SLC6A20: variants seen among roughly 807,000 people sequenced by gnomAD.
SLC6A20 encodes sodium- and chloride-dependent transporter XTRP3.
SLC6A20 carries 73 observed loss-of-function variants against 64.3 expected under a neutral mutation model. The ratio of observed to expected loss-of-function variants is 1.14; its 90% confidence interval spans 0.94 to 1.38. The LOEUF (loss-of-function observed/expected upper bound fraction) is 1.38. Ranked by LOEUF, SLC6A20 falls within the 40% of genes most tolerant of loss-of-function variation. The probability of loss-of-function intolerance (pLI) is 0.00; values close to 1 mark genes in which losing one functional copy is unlikely to be tolerated. For missense variants in SLC6A20, 725 were observed against 772.8 expected (o/e 0.94, Z 0.73); for synonymous variants, 347 against 329.6 (o/e 1.05, Z -0.57).
intron 4 of SLC6A20, among the ~76,000 whole-genome samples, chr3:45,774,281 T>C (rs1699928789): frequency 6.6e-6 from 1 of 152,244 alleles, no homozygotes; most frequent in Admixed American, 6.5e-5. Flanking sequence ...CATGACATGG[T>C]CTTATGCAAC....
In SLC6A20 at chr3:45,775,820, G is replaced by T. The variant is rs1197496586; in HGVS notation, c.523C>A (p.Leu175Ile). The T allele has an allele frequency of 6.2e-7, 1 of 1,614,084 alleles. No homozygotes were observed. The highest frequency in any genetic ancestry group is 8.5e-7 in the Non-Finnish European group (1 of 1,180,010). The part of the protein sequence containing the change: ...GVQWEPALCL[L>I]LAWLVVYLCI... ...AGGTACACCACCAGCCAGGCCAGGA[G>T]GAGGCACAGCGCCGGCTCCCACTGC... is the stretch of plus-strand genomic sequence containing the variant. The change falls in exon 4 of 11, where the codon CTC (leucine) becomes ATC (isoleucine). Residue 175 changes from leucine to isoleucine, a missense_variant. Physicochemically the swap from Leu to Ile is conservative, Grantham distance 5. Coordinates refer to ENST00000358525, the MANE Select transcript of SLC6A20 (RefSeq NM_020208.4).
Position 45,771,291 on chromosome 3 carries a change from G to A in SLC6A20, c.861C>T (p.Ser287=). ...AGAAGGTGACAATGCTGGCAAATAT[G>A]GAGGTGAAGCTGTTGATGAGGGACA... is the stretch of plus-strand genomic sequence containing the variant. ...IIVSLINSFT[S]IFASIVTFSI... is the part of the protein sequence containing the mutation. The change falls in exon 6 of 11, where the codon TCC becomes TCT. Residue 287 remains serine, a synonymous_variant. Transcript: ENST00000358525. 1 of 1,614,254 alleles carries A rather than the reference G, an allele frequency of 6.2e-7. No individual in the cohort carries two copies. The highest frequency in any genetic ancestry group is 8.5e-7 in the Non-Finnish European group (1 of 1,180,048).
chr3:45,774,443 G>C (rs73830460), intron 4 of SLC6A20, among the ~76,000 whole-genome samples: 1,720 of 152,268 alleles, frequency 0.011, 33 homozygotes, highest in African/African-American at 0.037. Flanking sequence ...CAGGCTCTAC[G>C]ATGGGACTGA....
intron 3 of SLC6A20, 102 bp downstream of exon 3, chr3:45,779,907 G>T: frequency 7.9e-7 from 1 of 1,273,870 alleles, no homozygotes; most frequent in Non-Finnish European, 1.1e-6. Flanking sequence ...CCGCCCCGAG[G>T]CTGCTCACCT....
At chr3:45,760,376 G>A (rs939091756) in intron 9 of SLC6A20, among the ~76,000 whole-genome samples, 2 of 152,318 alleles carry the variant, frequency 1.3e-5, no homozygotes, top group Middle Eastern at 3.4e-3. Context: ...TTGTCAGGCT[G>A]GTCATCAATG....
At chr3:45,777,677 A>G (rs1202395376) in intron 3 of SLC6A20, among the ~76,000 whole-genome samples, 1 of 152,186 alleles carries the variant, frequency 6.6e-6, no homozygotes, top group Non-Finnish European at 1.5e-5. Context: ...TGAGGTGCCC[A>G]GTGGCAGCCA....
At chr3:45,787,931 T>C (rs1047126576) in intron 1 of SLC6A20, among the ~76,000 whole-genome samples, 3 of 152,174 alleles carry the variant, frequency 2.0e-5, no homozygotes, top group Non-Finnish European at 4.4e-5. Context: ...TCTCCATCTC[T>C]TTATCCTGTT....
At chr3:45,770,486 T>C in intron 6 of SLC6A20, 115 bp from the exon 7 acceptor site, 1 of 1,316,928 alleles carries the variant, frequency 7.6e-7, no homozygotes, top group South Asian at 1.5e-5. Flanking sequence ...TGTTGCTTGG[T>C]GATCTTTTAA....
At chr3:45,783,066 A>G (rs1258988488) in intron 1 of SLC6A20, among the ~76,000 whole-genome samples, 2 of 152,372 alleles carry the variant, frequency 1.3e-5, no homozygotes, top group Non-Finnish European at 2.9e-5. Context: ...GGTGCTCCAC[A>G]TGAGGTAGTG....
rs1699540350 is a variant in SLC6A20, at chr3:45,756,223, G to A, written c.*2755C>T. 6.6e-6 allele frequency: 1 copy of A among 152,218 alleles called. No individual in the cohort carries two copies. Among genetic ancestry groups the A allele is most frequent in the African/African-American group, 2.4e-5 (1 of 41,450 alleles). 9.4% of individuals were successfully genotyped at this position (152,218 alleles called of 1,614,324 possible). A position where few individuals can be genotyped will look rare whatever the true frequency, so the allele number is the denominator to read the frequency against. Reference sequence around the variant, plus strand: ...ACTCCTGAGGCTACCTGGTATTCAAGGCTTACGCACCCTGACTGATGACTG... The same window carrying A: ...ACTCCTGAGGCTACCTGGTATTCAAAGCTTACGCACCCTGACTGATGACTG... On this transcript the variant is annotated 3_prime_UTR_variant, in exon 11 of 11. Coordinates refer to ENST00000358525, the MANE Select transcript of SLC6A20 (RefSeq NM_020208.4).
At chr3:45,766,500 C>T (rs566086234) in intron 7 of SLC6A20, among the ~76,000 whole-genome samples, 4 of 152,352 alleles carry the variant, frequency 2.6e-5, no homozygotes, top group African/African-American at 9.6e-5. Flanking sequence ...TAGAACATCC[C>T]TCCCCGAGGT....
At position 45,796,426 on chromosome 3, in the gene SLC6A20, G is replaced by A. The variant is rs1700349591; in HGVS notation, c.-7C>T. 1.9e-6 allele frequency: 3 copies of A among 1,608,634 alleles called. No individual in the cohort carries two copies. The highest frequency in any genetic ancestry group is 2.7e-5 in the African/African-American group (2 of 74,188). On this transcript the variant is annotated 5_prime_UTR_variant, in exon 1 of 11. Transcript: ENST00000358525. ...GCGGCCGCGCTTTCTCCATGGCCCC[G>A]GCCTCGGCGCGCTCGGCTCCGGCTC...
chr3:45,788,459 C>T (rs1468755529), intron 1 of SLC6A20, among the ~76,000 whole-genome samples: 2 of 152,160 alleles, frequency 1.3e-5, no homozygotes, highest in Non-Finnish European at 2.9e-5. Flanking sequence ...AAAGTACAAT[C>T]ACAAATTCTA....
intron 9 of SLC6A20, 32 bp downstream of exon 9, chr3:45,762,881 C>T: frequency 1.2e-6 from 2 of 1,611,144 alleles, no homozygotes; most frequent in South Asian, 2.2e-5. Flanking sequence ...CTGTGTTTTC[C>T]CTATGCAAAT....
At chr3:45,766,694 CAA>C (rs1288331683) in intron 7 of SLC6A20, among the ~76,000 whole-genome samples, 3 of 152,086 alleles carry the variant, frequency 2.0e-5, no homozygotes, top group Admixed American at 2.0e-4. Flanking sequence ...AGCCTTATAA[CAA>C]GAGGAAGAGA....
chr3:45,761,905 C>G (rs1464207801), intron 9 of SLC6A20, among the ~76,000 whole-genome samples: 1 of 152,202 alleles, frequency 6.6e-6, no homozygotes, highest in Non-Finnish European at 1.5e-5. Context: ...CCTGGCCTTT[C>G]CGGGGACACA....
rs1258931529 is a variant in SLC6A20 at position 45,780,072 on chromosome 3, GAAGA to G, written c.287_290del (p.Phe96SerfsTer32). On this transcript the variant is annotated frameshift_variant, in exon 3 of 11. Coordinates refer to ENST00000358525, the MANE Select transcript of SLC6A20 (RefSeq NM_020208.4). LOFTEE classifies it high-confidence loss of function. ...TGATGACGTTGTAGTACATGGAGAGGAAGAAAGAGACCACCACGCTGGCGACCCC... is the reference window on the plus strand; with the variant it reads ...TGATGACGTTGTAGTACATGGAGAGGAAGAGACCACCACGCTGGCGACCCC... The G allele has an allele frequency of 6.2e-6, 10 of 1,601,456 alleles. No homozygotes were observed. The highest frequency in any genetic ancestry group is 8.5e-6 in the Non-Finnish European group (10 of 1,173,920).
At chr3:45,759,832 C>G (rs757574571) in intron 10 of SLC6A20, 25 bp downstream of exon 10, 1 of 1,591,604 alleles carries the variant, frequency 6.3e-7, no homozygotes, top group Non-Finnish European at 8.5e-7. Flanking sequence ...GGGCCCAGCG[C>G]CAGCCCTACG....
intron 1 of SLC6A20, among the ~76,000 whole-genome samples, chr3:45,794,569 G>C (rs1332596503): frequency 6.6e-6 from 1 of 152,166 alleles, no homozygotes; most frequent in Admixed American, 6.5e-5. Flanking sequence ...TGGAACCTGA[G>C]GGTCTTGAGG....
Sources: gnomAD v4.1 joint callset for allele counts (sites outside exome capture counted in the v4.1 genomes callset) on GRCh38, gnomAD v4.1.1 for gene constraint, MANE v1.5 for transcripts, NCBI Gene and HGNC (gene_info 2026-07-23, HGNC 2026-07-21) for gene names.